Variants in ADD1 observed in about 807,000 individuals in gnomAD.
ADD1 encodes the protein adducin 1.
Under a neutral mutation model 80.5 loss-of-function variants are expected in ADD1, and 24 were observed. The observed-to-expected ratio is 0.30, with a 90% confidence interval of 0.22 to 0.42. ADD1 has a LOEUF of 0.42. ADD1 is among the 10% of genes least tolerant of loss of function. The pLI is 1.00. For missense variants in ADD1, 948 were observed against 1,019.0 expected (o/e 0.93, Z 0.95); for synonymous variants, 373 against 393.8 (o/e 0.95, Z 0.63).
In ADD1 at chr4:2,903,809, G is replaced by A. The variant is rs545807546; in HGVS notation, c.1162-955G>A. Reference sequence around the variant, plus strand: ...GGCCAGGAGAGATGCAGAGGACACCGTCCATGCCCTTAGAGATGCTGTCTG... The same window carrying A: ...GGCCAGGAGAGATGCAGAGGACACCATCCATGCCCTTAGAGATGCTGTCTG... On this transcript the variant is annotated intron_variant, in intron 9 of 15. Coordinates refer to ENST00000683351, the MANE Select transcript of ADD1 (RefSeq NM_001354761.2). Among the ~76,000 whole-genome samples, 54 of 152,290 alleles carry A rather than the reference G, an allele frequency of 3.5e-4. No homozygotes were observed. The Middle Eastern group carries it at 0.01, about 29-fold the overall frequency.
In ADD1 at chr4:2,891,525, G is replaced by T. The variant is rs369014822; in HGVS notation, c.511-2488G>T. Among the ~76,000 whole-genome samples the T allele has an allele frequency of 9.4e-4, 143 of 152,246 alleles. 1 individual carries two copies. In the Middle Eastern group the frequency reaches 0.01, roughly 11 times the overall value. On this transcript the variant is annotated intron_variant, in intron 4 of 15. Coordinates refer to ENST00000683351, the MANE Select transcript of ADD1 (RefSeq NM_001354761.2). ...CTGACTCAGCATTGCAAAGAAGTGGGTCATAGGGATTTATAGAGACTGGGT... is the reference window on the plus strand; with the variant it reads ...CTGACTCAGCATTGCAAAGAAGTGGTTCATAGGGATTTATAGAGACTGGGT...
At position 2,882,844 on chromosome 4, in the gene ADD1, T is replaced by A. The variant is rs1310463124; in HGVS notation, c.358+784T>A. 2.6e-5 allele frequency among the ~76,000 whole-genome samples: 4 copies of A among 152,252 alleles called. No homozygotes were observed. In the East Asian group the frequency reaches 7.7e-4, roughly 29 times the overall value. On this transcript the variant is annotated intron_variant, in intron 3 of 15. Transcript: ENST00000683351. The stretch of plus-strand genomic sequence containing the variant: ...ATGGCCACCACTAGGAAAGTTTTCA[T>A]GTGGATTCCGTTTTTTTTTGTTGTT...
intron 1 of ADD1, 26 bp from the exon 2 acceptor site, chr4:2,875,870 T>A: frequency 2.0e-6 from 3 of 1,507,560 alleles, no homozygotes; most frequent in Non-Finnish European, 2.7e-6. Context: ...TTGAAAACAA[T>A]AATTTCTTTT....
At position 2,928,555 on chromosome 4, in the gene ADD1, C is replaced by T. The variant is rs111470742; in HGVS notation, c.*32C>T. 4.0e-5 allele frequency: 63 copies of T among 1,587,290 alleles called. No homozygotes were observed. The highest frequency in any genetic ancestry group is 2.0e-4 in the African/African-American group (15 of 73,198). On this transcript the variant is annotated 3_prime_UTR_variant, in exon 16 of 16. Coordinates refer to ENST00000683351, the MANE Select transcript of ADD1 (RefSeq NM_001354761.2). Reference sequence around the variant, plus strand: ...TGCGCTAACACTGTCCTGTCCGGAGCGACCCTGGCTCTGCCAGCGTCCCCG... The same window carrying T: ...TGCGCTAACACTGTCCTGTCCGGAGTGACCCTGGCTCTGCCAGCGTCCCCG...
At position 2,882,764 on chromosome 4, in the gene ADD1, C is replaced by A. The variant is rs559435414; in HGVS notation, c.358+704C>A. On this transcript the variant is annotated intron_variant, in intron 3 of 15. Coordinates refer to ENST00000683351, the MANE Select transcript of ADD1 (RefSeq NM_001354761.2). The stretch of plus-strand genomic sequence containing the variant: ...TGATATATATTGTAATTAATGTCTA[C>A]AGAATATTAAGAGTCACATTTAATC... Among the ~76,000 whole-genome samples, 12 of 152,276 alleles carry A rather than the reference C, an allele frequency of 7.9e-5. No homozygotes were observed. The East Asian group carries it at 2.3e-3, about 29-fold the overall frequency.
chr4:2,846,811 C>G (rs1489086443), intron 1 of ADD1, among the ~76,000 whole-genome samples: 2 of 131,068 alleles, frequency 1.5e-5, no homozygotes, highest in Non-Finnish European at 3.2e-5. Flanking sequence ...ACTACTCTGT[C>G]TCTTTAAAAA....
chr4:2,893,898 C>T (rs557272560), intron 4 of ADD1, 115 bp from the exon 5 acceptor site: 19 of 893,686 alleles, frequency 2.1e-5, no homozygotes, highest in East Asian at 1.2e-4. Flanking sequence ...TGTGCATGGA[C>T]GCTTCCCTGC....
At chr4:2,888,833 A>G (rs543738475) in intron 4 of ADD1, among the ~76,000 whole-genome samples, 3 of 152,340 alleles carry the variant, frequency 2.0e-5, no homozygotes, top group African/African-American at 7.2e-5. Context: ...TACAAAGATC[A>G]TGTAGAACAA....
At chr4:2,844,542 T>C (rs1725886795) in intron 1 of ADD1, 1 of 152,236 alleles carries the variant, frequency 6.6e-6, no homozygotes, top group Non-Finnish European at 1.5e-5. Flanking sequence ...ATGGGGCTGT[T>C]GGTCACCTTT....
chr4:2,899,420 G>A lies in ADD1; in HGVS notation c.1146G>A (p.Arg382=). 7 of 1,614,184 alleles carry A rather than the reference G, an allele frequency of 4.3e-6. No homozygotes were observed. The highest frequency in any genetic ancestry group is 5.9e-6 in the Non-Finnish European group (7 of 1,180,044). ...IGEQEFEALM[R]MLDNLGYRTG... ...AGCAGGAATTTGAAGCCCTCATGCG[G>A]ATGCTCGATAATCTGGTAAGAATGG... The change falls in exon 9 of 16, where the codon CGG becomes CGA. Residue 382 remains arginine (R), a synonymous_variant. Coordinates refer to ENST00000683351, the MANE Select transcript of ADD1 (RefSeq NM_001354761.2).
chr4:2,901,256 T>A (rs932642554), intron 9 of ADD1: 1 of 152,104 alleles, frequency 6.6e-6, no homozygotes, highest in South Asian at 2.1e-4. Context: ...TCCTGGTAAA[T>A]ACGGCGACAT....
At chr4:2,891,716 G>T (rs975782428) in intron 4 of ADD1, among the ~76,000 whole-genome samples, 2 of 152,132 alleles carry the variant, frequency 1.3e-5, no homozygotes, top group Non-Finnish European at 2.9e-5. Context: ...AGGAGCTCAG[G>T]GTGCCCAGAA....
chr4:2,891,564 A>G (rs1052591909), intron 4 of ADD1, among the ~76,000 whole-genome samples: 10 of 152,186 alleles, frequency 6.6e-5, no homozygotes, highest in African/African-American at 2.4e-4. Flanking sequence ...GTAGTTCACT[A>G]TCCATGTAAA....
chr4:2,879,318 C>G (rs1731853950), intron 2 of ADD1, among the ~76,000 whole-genome samples: 1 of 152,132 alleles, frequency 6.6e-6, no homozygotes. Flanking sequence ...GCATAGGGCT[C>G]CTGTACTGTG....
intron 9 of ADD1, chr4:2,899,963 G>C (rs1263188572): frequency 3.9e-5 from 8 of 202,782 alleles, no homozygotes; most frequent in Non-Finnish European, 8.1e-5. Context: ...CACAGGGAAA[G>C]TGAGCCCACA....
At chr4:2,854,464 G>A (rs1210542765) in intron 1 of ADD1, among the ~76,000 whole-genome samples, 1 of 152,092 alleles carries the variant, frequency 6.6e-6, no homozygotes. Flanking sequence ...TTACTGACTT[G>A]AGCAATGTGG....
chr4:2,909,248 G>A, intron 12 of ADD1, 91 bp from the exon 13 acceptor site: 2 of 1,091,280 alleles, frequency 1.8e-6, no homozygotes, highest in Non-Finnish European at 2.7e-6. Context: ...TGTCCCTGCT[G>A]CATGCTCTTA....
chr4:2,874,162 G>A (rs1384622609), intron 1 of ADD1, among the ~76,000 whole-genome samples: 1 of 152,186 alleles, frequency 6.6e-6, no homozygotes, highest in Non-Finnish European at 1.5e-5. Context: ...GCTGTAGTGA[G>A]CTATGATTGC....
At chr4:2,861,299 T>G (rs1372123068) in intron 1 of ADD1, among the ~76,000 whole-genome samples, 1 of 152,166 alleles carries the variant, frequency 6.6e-6, no homozygotes, top group Non-Finnish European at 1.5e-5. Flanking sequence ...GGGAAGCCAT[T>G]GAACTCTTGG....
Sources: allele counts gnomAD v4.1 joint callset (sites outside exome capture counted in the v4.1 genomes callset), GRCh38; gene constraint gnomAD v4.1.1; transcripts MANE v1.5; gene names NCBI Gene and HGNC (gene_info 2026-07-23, HGNC 2026-07-21).